CLN8: variants seen among roughly 807,000 people sequenced by gnomAD.
CLN8 encodes protein CLN8.
Under a neutral mutation model 15.7 loss-of-function variants are expected in CLN8, and 14 were observed. The ratio of observed to expected loss-of-function variants is 0.89; its 90% CI spans 0.59 to 1.39. CLN8 has a LOEUF of 1.39. Ranked by LOEUF, CLN8 falls within the 40% of genes most tolerant of loss-of-function variation. CLN8 has a pLI of 0.00. For missense variants in CLN8, 415 were observed against 364.0 expected, an observed-to-expected ratio of 1.14 and a Z score of -1.14; for synonymous variants, 188 against 151.0, an observed-to-expected ratio of 1.25 and a Z score of -1.80.
intron 2 of CLN8, among the ~76,000 whole-genome samples, chr8:1,779,758 A>C (rs148113142): frequency 4.3e-4 from 66 of 152,256 alleles, no homozygotes; most frequent in African/African-American, 1.5e-3. Flanking sequence ...CCTAGCATGG[A>C]GGAGGGGAAG....
upstream of CLN8, among the ~76,000 whole-genome samples, chr8:1,754,669 T>C (rs1800626686): frequency 6.6e-6 from 1 of 152,076 alleles, no homozygotes; most frequent in Non-Finnish European, 1.5e-5. Flanking sequence ...CAACTACTCA[T>C]AGGAAAGCAC....
chr8:1,756,730 T>C (rs982474631), intron 1 of CLN8, among the ~76,000 whole-genome samples: 1 of 149,910 alleles, frequency 6.7e-6, no homozygotes, highest in African/African-American at 2.5e-5. Flanking sequence ...TTGCCCAGGC[T>C]GGAGTGCAAT....
intron 2 of CLN8, among the ~76,000 whole-genome samples, chr8:1,776,597 G>C (rs758119129): frequency 2.4e-4 from 37 of 152,378 alleles, no homozygotes; most frequent in Non-Finnish European, 1.2e-4. Context: ...CGATGCTGCA[G>C]TCCATTGCGT....
At chr8:1,775,589 A>T (rs762098071) in intron 2 of CLN8, among the ~76,000 whole-genome samples, 4 of 152,244 alleles carry the variant, frequency 2.6e-5, no homozygotes, top group Non-Finnish European at 5.9e-5. Context: ...TACTATTGGT[A>T]ATTTAAGATG....
chr8:1,777,349 G>A (rs930672297), intron 2 of CLN8, among the ~76,000 whole-genome samples: 1 of 152,198 alleles, frequency 6.6e-6, no homozygotes, highest in Non-Finnish European at 1.5e-5. Context: ...GTCACAATGA[G>A]TGGTGAGTGT....
chr8:1,757,419 A>T (rs1486092287), intron 1 of CLN8, among the ~76,000 whole-genome samples: 1 of 152,138 alleles, frequency 6.6e-6, no homozygotes, highest in Admixed American at 6.5e-5. Context: ...AATCAACATG[A>T]TCTTGTCAAG....
At chr8:1,764,364 A>AGGCGGAGGCGGAGGCGGC (rs1244236747) in intron 1 of CLN8, 1 of 152,180 alleles carries the variant, frequency 6.6e-6, no homozygotes, top group African/African-American at 2.4e-5. Context: ...GGACAGGCGG[A>AGGCGGAGGCGGAGGCGGC]GGCGGAGGCG....
chr8:1,767,674 C>T (rs1217117687), intron 1 of CLN8, among the ~76,000 whole-genome samples: 1 of 136,666 alleles, frequency 7.3e-6, no homozygotes, highest in Non-Finnish European at 1.5e-5. Context: ...CGGGTTCAAG[C>T]GATTCTCCTG....
intron 2 of CLN8, chr8:1,773,073 G>A (rs1471709512): frequency 2.5e-6 from 1 of 396,910 alleles, no homozygotes; most frequent in African/African-American, 2.1e-5. Context: ...ACACCAGCCG[G>A]GTGTCAGATA....
intron 1 of CLN8, among the ~76,000 whole-genome samples, chr8:1,767,904 T>G (rs148491360): frequency 6.6e-6 from 1 of 151,502 alleles, no homozygotes; most frequent in Non-Finnish European, 1.5e-5. Flanking sequence ...GTAGTCAGAT[T>G]CTGGGGTCCA....
intron 1 of CLN8, among the ~76,000 whole-genome samples, chr8:1,766,536 C>T (rs1178050446): frequency 1.3e-5 from 2 of 151,990 alleles, no homozygotes; most frequent in African/African-American, 4.8e-5. Flanking sequence ...ACTACAGGCG[C>T]TCGCCATCAC....
At chr8:1,761,010 A>ATT (rs1334023513), upstream of CLN8, among the ~76,000 whole-genome samples, 1 of 131,188 alleles carries the variant, frequency 7.6e-6, no homozygotes, top group African/African-American at 2.9e-5. Flanking sequence ...GACTATAGCC[A>ATT]TCTTTTTTTT....
At chr8:1,770,232 T>C (rs1297047268) in intron 1 of CLN8, among the ~76,000 whole-genome samples, 1 of 152,100 alleles carries the variant, frequency 6.6e-6, no homozygotes, top group East Asian at 1.9e-4. Context: ...GATGCCAACT[T>C]GGGGAAGGTA....
chr8:1,776,587 C>T (rs910550107), intron 2 of CLN8, among the ~76,000 whole-genome samples: 2 of 152,340 alleles, frequency 1.3e-5, no homozygotes, highest in East Asian at 1.9e-4. Flanking sequence ...GTTTGTGTAG[C>T]GATGCTGCAG....
chr8:1,756,871 C>G (rs1043601399), intron 1 of CLN8, among the ~76,000 whole-genome samples: 14 of 152,048 alleles, frequency 9.2e-5, no homozygotes, highest in African/African-American at 3.4e-4. Context: ...TTAGTAGAGA[C>G]GGGGTTTGAC....
chr8:1,764,319 G>C (rs1303429576), intron 1 of CLN8: 1 of 152,418 alleles, frequency 6.6e-6, no homozygotes, highest in East Asian at 1.9e-4. Flanking sequence ...TGACTTTGGA[G>C]TCCTTGAGCG....
Position 1,783,308 on chromosome 8 carries a change from G to A in CLN8, c.*2741G>A, listed in dbSNP as rs1372197880. On this transcript the variant is annotated 3_prime_UTR_variant, in exon 3 of 3. Coordinates refer to ENST00000331222, the MANE Select transcript of CLN8 (RefSeq NM_018941.4). Reference sequence around the variant, plus strand: ...TCCTCTATTGAGAGTTACAGCAAGTGTTAAACGAGGTGAGTTCACATAACA... The same window carrying A: ...TCCTCTATTGAGAGTTACAGCAAGTATTAAACGAGGTGAGTTCACATAACA... 6.6e-6 allele frequency: 1 copy of A among 152,274 alleles called. No individual in the cohort carries two copies. The highest frequency in any genetic ancestry group is 1.5e-5 in the Non-Finnish European group (1 of 68,058). 9.4% of individuals were successfully genotyped at this position (152,274 alleles called of 1,614,324 possible). A position where few individuals can be genotyped will look rare whatever the true frequency, so the allele number is the denominator to read the frequency against.
intron 1 of CLN8, among the ~76,000 whole-genome samples, chr8:1,766,390 GT>G (rs5888909): frequency 0.61 from 66,357 of 109,134 alleles, 18,684 homozygotes; most frequent in East Asian, 0.69. Flanking sequence ...CCAGTTTTTT[GT>G]TTTTTTTTTT....
upstream of CLN8, chr8:1,762,145 G>A (rs1800813151): frequency 6.6e-6 from 1 of 152,138 alleles, no homozygotes; most frequent in Admixed American, 6.5e-5. Flanking sequence ...TTATAATTTT[G>A]CAATGGTGGT....
Sources: gnomAD v4.1 joint callset for allele counts (sites outside exome capture counted in the v4.1 genomes callset) on GRCh38, gnomAD v4.1.1 for gene constraint, MANE v1.5 for transcripts, NCBI Gene and HGNC (gene_info 2026-07-23, HGNC 2026-07-21) for gene names.